Variants in CACNG3 observed in about 807,000 individuals in gnomAD.
CACNG3 encodes voltage-dependent calcium channel gamma-3 subunit.
In CACNG3, 3 loss-of-function variants were observed where a neutral mutation model predicts 28.5. The observed-to-expected ratio is 0.11, with a 90% CI of 0.05 to 0.27. The LOEUF (loss-of-function observed/expected upper bound fraction) is 0.27. Ranked by LOEUF, CACNG3 falls within the 10% of genes least tolerant of loss-of-function variation. The pLI, the probability that CACNG3 is intolerant of heterozygous loss-of-function variation, is 1.00. For synonymous variants in CACNG3, 174 were observed against 162.2 expected (o/e 1.07, Z -0.55); for missense variants, 236 against 414.4 (o/e 0.57, Z 3.74).
chr16:24,301,879 C>T (rs578172637), intron 1 of CACNG3, among the ~76,000 whole-genome samples: 2 of 152,140 alleles, frequency 1.3e-5, no homozygotes, highest in African/African-American at 4.8e-5. Flanking sequence ...CTCCTCTGGA[C>T]CTGTCCATAG....
chr16:24,327,422 A>ATGTGTGTGTGTGTG (rs376287990), intron 1 of CACNG3, among the ~76,000 whole-genome samples: 160 of 101,748 alleles, frequency 1.6e-3, no homozygotes, highest in African/African-American at 5.3e-3. Context: ...GAATATATAT[A>ATGTGTGTGTGTGTG]TGTGTGTGTG....
At chr16:24,317,477 G>A (rs1218459692) in intron 1 of CACNG3, among the ~76,000 whole-genome samples, 2 of 150,588 alleles carry the variant, frequency 1.3e-5, no homozygotes, top group African/African-American at 2.4e-5. Context: ...AGAAGGCAGA[G>A]GTTGCAGAGA....
chr16:24,302,137 G>A (rs939121387), intron 1 of CACNG3, among the ~76,000 whole-genome samples: 1 of 152,168 alleles, frequency 6.6e-6, no homozygotes, highest in African/African-American at 2.4e-5. Context: ...TCCTCCTTCT[G>A]ATTCCTCATC....
chr16:24,326,054 C>T (rs999928110), intron 1 of CACNG3, among the ~76,000 whole-genome samples: 1 of 152,208 alleles, frequency 6.6e-6, no homozygotes, highest in Non-Finnish European at 1.5e-5. Flanking sequence ...GCCTTGATTT[C>T]ACCCTCAAGC....
At chr16:24,294,419 A>G (rs1424923618) in intron 1 of CACNG3, among the ~76,000 whole-genome samples, 2 of 152,146 alleles carry the variant, frequency 1.3e-5, no homozygotes, top group African/African-American at 4.8e-5. Flanking sequence ...GTCTGTTCTG[A>G]TGGGCAGAAG....
At chr16:24,351,744 G>A (rs1243067714) in intron 2 of CACNG3, among the ~76,000 whole-genome samples, 1 of 58,656 alleles carries the variant, frequency 1.7e-5, no homozygotes, top group Non-Finnish European at 3.7e-5. Context: ...AGAAAGGAAG[G>A]AAGGAAGGAA....
At chr16:24,257,382 AGAGAGAGAG>A (rs1898476945) in intron 1 of CACNG3, among the ~76,000 whole-genome samples, 1 of 69,706 alleles carries the variant, frequency 1.4e-5, no homozygotes, top group Non-Finnish European at 2.8e-5. Flanking sequence ...AGAGAGAGAG[AGAGAGAGAG>A]AGAGAGAGAG....
chr16:24,281,186 T>TTTG (rs1429062144), intron 1 of CACNG3, among the ~76,000 whole-genome samples: 1 of 151,982 alleles, frequency 6.6e-6, no homozygotes, highest in Non-Finnish European at 1.5e-5. Flanking sequence ...TATATTCTGT[T>TTTG]TTGTTGTTGT....
chr16:24,348,298 G>A (rs1206905902), intron 2 of CACNG3, among the ~76,000 whole-genome samples: 1 of 151,992 alleles, frequency 6.6e-6, no homozygotes, highest in Non-Finnish European at 1.5e-5. Flanking sequence ...AGCTACTTGG[G>A]AGGCTGAGGT....
chr16:24,276,569 G>C (rs1025222796), intron 1 of CACNG3, among the ~76,000 whole-genome samples: 3 of 152,182 alleles, frequency 2.0e-5, no homozygotes, highest in African/African-American at 7.2e-5. Flanking sequence ...TTCTCCAGTG[G>C]GAAATGAAAC....
At chr16:24,287,048 A>G (rs1463043055) in intron 1 of CACNG3, among the ~76,000 whole-genome samples, 1 of 152,232 alleles carries the variant, frequency 6.6e-6, no homozygotes, top group African/African-American at 2.4e-5. Context: ...ATGGGATGGC[A>G]TGCTTGCTTG....
chr16:24,290,846 A>G (rs1209824599), intron 1 of CACNG3, among the ~76,000 whole-genome samples: 1 of 152,288 alleles, frequency 6.6e-6, no homozygotes, highest in East Asian at 1.9e-4. Context: ...AAAATTTAGA[A>G]CATGTAGATA....
At chr16:24,336,275 A>AT (rs548335074) in intron 1 of CACNG3, among the ~76,000 whole-genome samples, 5,067 of 142,524 alleles carry the variant, frequency 0.036, 229 homozygotes, top group African/African-American at 0.1. Context: ...GATCACTGGC[A>AT]TTTTTTTTTT....
chr16:24,283,116 C>T (rs1321526706), intron 1 of CACNG3, among the ~76,000 whole-genome samples: 2 of 152,082 alleles, frequency 1.3e-5, no homozygotes, highest in African/African-American at 4.8e-5. Flanking sequence ...GATCTGCTTG[C>T]CTTGGCCTCC....
At chr16:24,317,599 AAAG>A (rs1899376917) in intron 1 of CACNG3, among the ~76,000 whole-genome samples, 6 of 72,218 alleles carry the variant, frequency 8.3e-5, no homozygotes, top group Admixed American at 6.0e-4. Context: ...AGAAAGAAAG[AAAG>A]AAAGAAAGAA....
intron 1 of CACNG3, among the ~76,000 whole-genome samples, chr16:24,310,001 T>C (rs1899238729): frequency 2.0e-5 from 3 of 152,082 alleles, no homozygotes; most frequent in Admixed American, 2.0e-4. Flanking sequence ...GTGAAGTGGC[T>C]TTGTGTGTGC....
intron 1 of CACNG3, among the ~76,000 whole-genome samples, chr16:24,282,490 T>G (rs1293313615): frequency 6.6e-6 from 1 of 152,024 alleles, no homozygotes; most frequent in Non-Finnish European, 1.5e-5. Flanking sequence ...TTGGCCAGGA[T>G]GATCTCGATC....
chr16:24,312,480 T>C (rs976867313), intron 1 of CACNG3, among the ~76,000 whole-genome samples: 6 of 152,062 alleles, frequency 3.9e-5, no homozygotes, highest in African/African-American at 1.4e-4. Context: ...AAATGGGTGA[T>C]AATAATAGTT....
At chr16:24,276,381 TAAAC>T (rs2095210365) in intron 1 of CACNG3, among the ~76,000 whole-genome samples, 2 of 152,222 alleles carry the variant, frequency 1.3e-5, no homozygotes, top group African/African-American at 4.8e-5. Flanking sequence ...ACAACCCACA[TAAAC>T]AAAAGTTCAA....
Sources: gnomAD v4.1 joint callset for allele counts (sites outside exome capture counted in the v4.1 genomes callset) on GRCh38, gnomAD v4.1.1 for gene constraint, MANE v1.5 for transcripts, NCBI Gene and HGNC (gene_info 2026-07-23, HGNC 2026-07-21) for gene names.